The following PTAFR variants were observed in gnomAD, a reference collection of about 807,000 sequenced individuals.
The protein encoded by PTAFR is platelet-activating factor receptor.
A neutral mutation model predicts 14.7 loss-of-function variants in PTAFR; 8 were observed. That is an observed-to-expected ratio of 0.54 (90% CI 0.32 to 0.98). The LOEUF (loss-of-function observed/expected upper bound fraction) is 0.98, where lower values mean the gene tolerates loss of function less well. Ranked by LOEUF, PTAFR falls within the 50% of genes least tolerant of loss-of-function variation. The probability of loss-of-function intolerance (pLI) is 0.04; values close to 1 mark genes in which losing one functional copy is unlikely to be tolerated. For missense variants in PTAFR, 337 were observed against 451.2 expected (o/e 0.75, Z 2.29); for synonymous variants, 156 against 176.5 (o/e 0.88, Z 0.92).
chr1:28,192,379 G>A (rs1446051913), intron 1 of PTAFR, among the ~76,000 whole-genome samples: 4 of 151,828 alleles, frequency 2.6e-5, no homozygotes, highest in Non-Finnish European at 5.9e-5. Flanking sequence ...GACCAACATG[G>A]AGAAACCCCG....
Position 28,150,591 on chromosome 1 carries a change from G to A in PTAFR, c.431C>T (p.Ala144Val), listed in dbSNP as rs149082412. The A allele has an allele frequency of 1.4e-4, 218 of 1,614,192 alleles. No homozygotes were observed. Among genetic ancestry groups the A allele is most frequent in the Admixed American group, 4.0e-4 (24 of 60,016 alleles). Residue 144 changes from alanine (A) to valine (V), a missense_variant, in exon 2 of 2, where the codon GCC becomes GTC. Coordinates refer to ENST00000373857, the MANE Select transcript of PTAFR (RefSeq NM_000952.5). This position sits in a 1 kb window ranked among gnomAD's most constrained non-coding sequence, Gnocchi z 6.3. The part of the protein sequence containing the change: ...GISLSLVIWV[A>V]IVGAASYFLI... Reference sequence around the variant, plus strand: ...GAAGTAGGATGCAGCTCCCACAATGGCCACCCAGATGACCAAGGACAAAGA... The same window carrying A: ...GAAGTAGGATGCAGCTCCCACAATGACCACCCAGATGACCAAGGACAAAGA...
At chr1:28,177,624 T>C (rs1029397164), upstream of PTAFR, among the ~76,000 whole-genome samples, 1 of 152,230 alleles carries the variant, frequency 6.6e-6, no homozygotes, top group African/African-American at 2.4e-5. Context: ...TAGAATGTTC[T>C]ATATTCTGGA....
upstream of PTAFR, among the ~76,000 whole-genome samples, chr1:28,181,631 A>G (rs1646563421): frequency 6.6e-6 from 1 of 151,948 alleles, no homozygotes; most frequent in Non-Finnish European, 1.5e-5. Context: ...AATCTCAGCT[A>G]CTCGGGAGGC....
chr1:28,180,625 G>A (rs1031088597), upstream of PTAFR, among the ~76,000 whole-genome samples: 3 of 152,172 alleles, frequency 2.0e-5, no homozygotes, highest in Non-Finnish European at 4.4e-5. Flanking sequence ...ATCCCACAGT[G>A]GGTCTGGAGG....
chr1:28,150,286 C>A lies in PTAFR; in HGVS notation c.736G>T (p.Val246Leu). 1 of 1,611,716 alleles carries A rather than the reference C, an allele frequency of 6.2e-7. No individual in the cohort carries two copies. Among genetic ancestry groups the A allele is most frequent in the Non-Finnish European group, 8.5e-7 (1 of 1,178,240 alleles). ...GGCAGCTGCACCACGTGGTGGGGCA[C>A]GAAGCAGATGATGAACACCGCCAAG... The part of the protein sequence containing the change: ...TVLAVFIICF[V>L]PHHVVQLPWT... The change falls in exon 2 of 2, where the codon GTG becomes TTG. Residue 246 changes from valine to leucine, a missense_variant. By Grantham distance (32) the Val-to-Leu change is conservative (BLOSUM62 1). Coordinates refer to ENST00000373857, the MANE Select transcript of PTAFR (RefSeq NM_000952.5). This position sits in a 1 kb window ranked among gnomAD's most constrained non-coding sequence, Gnocchi z 6.3.
upstream of PTAFR, among the ~76,000 whole-genome samples, chr1:28,178,957 A>C (rs532876481): frequency 6.6e-6 from 1 of 152,264 alleles, no homozygotes; most frequent in South Asian, 2.1e-4. Flanking sequence ...GTTCGAGACC[A>C]GCCTGGGCAA....
At position 28,167,210 on chromosome 1, in the gene PTAFR, C is replaced by T. The variant is rs1289824267; in HGVS notation, c.-39+9382G>A. On this transcript the variant is annotated intron_variant, in intron 1 of 1. Coordinates refer to ENST00000373857, the MANE Select transcript of PTAFR (RefSeq NM_000952.5). The stretch of plus-strand genomic sequence containing the variant: ...AGAAAAGGCAACCTTTCGGATGGAA[C>T]CAGATATCAGATAAGGGGTTAATAT... Among the ~76,000 whole-genome samples the T allele has an allele frequency of 3.3e-5, 5 of 152,138 alleles. No homozygotes were observed. In the South Asian group the frequency reaches 1.0e-3, roughly 32 times the overall value.
At chr1:28,169,056 T>A (rs1479933087) in intron 1 of PTAFR, among the ~76,000 whole-genome samples, 1 of 152,068 alleles carries the variant, frequency 6.6e-6, no homozygotes, top group Non-Finnish European at 1.5e-5. Context: ...TATACAACAA[T>A]GTGAATATAG....
upstream of PTAFR, among the ~76,000 whole-genome samples, chr1:28,177,903 T>C: frequency 1.3e-5 from 2 of 151,986 alleles, 1 homozygote; most frequent in East Asian, 3.8e-4. Flanking sequence ...TGTGCATAAG[T>C]GAGAGGTGAG....
At chr1:28,185,912 A>G (rs1646602371) in intron 1 of PTAFR, among the ~76,000 whole-genome samples, 1 of 152,190 alleles carries the variant, frequency 6.6e-6, no homozygotes, top group African/African-American at 2.4e-5. Flanking sequence ...CATTATTAAG[A>G]AGACACAACT....
At chr1:28,173,430 C>T (rs1272013061) in intron 1 of PTAFR, among the ~76,000 whole-genome samples, 1 of 151,944 alleles carries the variant, frequency 6.6e-6, no homozygotes, top group African/African-American at 2.4e-5. Flanking sequence ...TCATGTCAAA[C>T]CCCACCTCTA....
At chr1:28,183,435 C>T (rs1458267320) in intron 1 of PTAFR, among the ~76,000 whole-genome samples, 1 of 152,136 alleles carries the variant, frequency 6.6e-6, no homozygotes, top group African/African-American at 2.4e-5. Flanking sequence ...GGCACAGTGT[C>T]TCACGCCTAT....
At position 28,149,792 on chromosome 1, in the gene PTAFR, G is replaced by A. The variant is rs550804283; in HGVS notation, c.*201C>T. 2.0e-4 allele frequency: 123 copies of A among 626,074 alleles called. No individual in the cohort carries two copies. The highest frequency in any genetic ancestry group is 1.4e-3 in the Admixed American group (46 of 31,836). The allele number at this position is 626,074 out of a possible 1,614,324, so 38.8% of individuals were successfully genotyped here. A position where few individuals can be genotyped will look rare whatever the true frequency, so the allele number is the denominator to read the frequency against. ...GTTACTGTAGTATGCGCCCACAGGC[G>A]GATGAAGGGGCTCATTTGAGTTCTG... On this transcript the variant is annotated 3_prime_UTR_variant, in exon 2 of 2. Coordinates refer to ENST00000373857, the MANE Select transcript of PTAFR (RefSeq NM_000952.5).
At chr1:28,183,378 G>A (rs1027348827) in intron 1 of PTAFR, among the ~76,000 whole-genome samples, 29 of 152,304 alleles carry the variant, frequency 1.9e-4, no homozygotes, top group African/African-American at 7.0e-4. Context: ...CAATATTTAA[G>A]TATATAAGTA....
rs189328945 is a variant in PTAFR at position 28,163,592 on chromosome 1, G to A, written c.-38-12533C>T. 7.2e-3 allele frequency among the ~76,000 whole-genome samples: 1,091 copies of A among 152,280 alleles called. 12 individuals carry two copies. Among genetic ancestry groups the A allele is most frequent in the Middle Eastern group, 0.014 (4 of 294 alleles). Reference sequence around the variant, plus strand: ...TGTATGACCTGGGGCAAGTGACCTCGCCTCTCTAACCTTCAATGTCTTCAT... The same window carrying A: ...TGTATGACCTGGGGCAAGTGACCTCACCTCTCTAACCTTCAATGTCTTCAT... On this transcript the variant is annotated intron_variant, in intron 1 of 1. Transcript: ENST00000373857.
chr1:28,187,593 T>C (rs992503937), intron 1 of PTAFR, among the ~76,000 whole-genome samples: 8 of 152,064 alleles, frequency 5.3e-5, no homozygotes, highest in African/African-American at 1.9e-4. Flanking sequence ...GCAACCTCTG[T>C]CTCTGGGCTC....
intron 1 of PTAFR, among the ~76,000 whole-genome samples, chr1:28,182,948 T>C (rs1487503590): frequency 6.6e-6 from 1 of 152,206 alleles, no homozygotes; most frequent in Non-Finnish European, 1.5e-5. Flanking sequence ...CCCAAAGTGC[T>C]GGGATTACAG....
chr1:28,186,643 G>A (rs1380482237), intron 1 of PTAFR, among the ~76,000 whole-genome samples: 1 of 152,152 alleles, frequency 6.6e-6, no homozygotes, highest in African/African-American at 2.4e-5. Flanking sequence ...ACAGAGTGGT[G>A]CTGGGCGTAG....
upstream of PTAFR, among the ~76,000 whole-genome samples, chr1:28,179,603 G>A (rs769101896): frequency 3.3e-5 from 5 of 151,520 alleles, no homozygotes; most frequent in African/African-American, 7.3e-5. Context: ...ATCACTTGAG[G>A]TCAGGAATTC....
Sources: allele counts gnomAD v4.1 joint callset (sites outside exome capture counted in the v4.1 genomes callset), GRCh38; gene constraint gnomAD v4.1.1; non-coding constraint Gnocchi (gnomAD v3.1); transcripts MANE v1.5; gene names NCBI Gene and HGNC (gene_info 2026-07-23, HGNC 2026-07-21).